Variants in RBPMS observed in about 807,000 individuals in gnomAD.
The protein encoded by RBPMS is RNA-binding protein with multiple splicing.
A neutral mutation model predicts 26.8 loss-of-function variants in RBPMS; 7 were observed. The ratio of observed to expected loss-of-function variants is 0.26; its 90% CI spans 0.15 to 0.49. The LOEUF is 0.49. Among genes scored for constraint, RBPMS ranks in the 20% least tolerant of loss-of-function variants. RBPMS has a pLI of 0.98. For missense variants in RBPMS, 186 were observed against 250.0 expected (o/e 0.74, Z 1.73); for synonymous variants, 96 against 93.3 (o/e 1.03, Z -0.17).
chr8:30,499,298 C>T (rs1230314371), intron 4 of RBPMS, among the ~76,000 whole-genome samples: 2 of 152,100 alleles, frequency 1.3e-5, no homozygotes, highest in Non-Finnish European at 2.9e-5. Context: ...AATGAGATTA[C>T]TAAAGCACCA....
chr8:30,422,819 C>A (rs1810949481), intron 1 of RBPMS, among the ~76,000 whole-genome samples: 2 of 152,160 alleles, frequency 1.3e-5, no homozygotes, highest in Admixed American at 1.3e-4. Context: ...ACTTTTAAAA[C>A]AAAATATCCC....
chr8:30,421,277 A>C (rs2150622977), intron 1 of RBPMS, among the ~76,000 whole-genome samples: 1 of 152,286 alleles, frequency 6.6e-6, no homozygotes, highest in Non-Finnish European at 1.5e-5. Context: ...ATGTTTAATC[A>C]CATACTCACC....
At chr8:30,416,294 C>T (rs1173226643) in intron 1 of RBPMS, among the ~76,000 whole-genome samples, 2 of 152,108 alleles carry the variant, frequency 1.3e-5, no homozygotes, top group African/African-American at 4.8e-5. Context: ...ATCCTACCCT[C>T]TTGGTGATTT....
At chr8:30,511,486 A>AAAAAAAAATATAT (rs1821657057) in intron 5 of RBPMS, among the ~76,000 whole-genome samples, 1 of 23,572 alleles carries the variant, frequency 4.2e-5, no homozygotes, top group African/African-American at 1.6e-4. Flanking sequence ...AAAAAAAAAA[A>AAAAAAAAATATAT]ATATATATAT....
chr8:30,546,159 A>G (rs1257179951), intron 6 of RBPMS, among the ~76,000 whole-genome samples: 1 of 151,906 alleles, frequency 6.6e-6, no homozygotes, highest in Non-Finnish European at 1.5e-5. Context: ...TTTGCTTGCC[A>G]CCTCCCACCC....
At chr8:30,496,840 G>A (rs899704768) in intron 4 of RBPMS, among the ~76,000 whole-genome samples, 1 of 152,144 alleles carries the variant, frequency 6.6e-6, no homozygotes, top group African/African-American at 2.4e-5. Flanking sequence ...CCAGATGCGG[G>A]TTTATCTGTG....
chr8:30,549,702 TTTCCCAGGCCC>T (rs1826141542), intron 6 of RBPMS: 2 of 701,728 alleles, frequency 2.9e-6, no homozygotes, highest in Non-Finnish European at 5.1e-6. Flanking sequence ...TCTCCTTTCC[TTTCCCAGGCCC>T]TTCCTGGAGG....
intron 1 of RBPMS, among the ~76,000 whole-genome samples, chr8:30,442,202 G>A (rs532678525): frequency 3.3e-5 from 5 of 152,174 alleles, no homozygotes; most frequent in Non-Finnish European, 7.3e-5. Flanking sequence ...TGGCTACTGA[G>A]TAACAATTCT....
At chr8:30,521,135 A>G (rs1021146254) in intron 5 of RBPMS, among the ~76,000 whole-genome samples, 1 of 152,232 alleles carries the variant, frequency 6.6e-6, no homozygotes, top group African/African-American at 2.4e-5. Flanking sequence ...GATTAGTTCA[A>G]AATGTTAGCT....
intron 5 of RBPMS, among the ~76,000 whole-genome samples, chr8:30,529,506 A>T (rs1563415190): frequency 2.0e-5 from 3 of 151,864 alleles, no homozygotes; most frequent in African/African-American, 7.3e-5. Flanking sequence ...CCACCTAAAA[A>T]AAAAGAAAAG....
chr8:30,420,517 C>G (rs1387432173), intron 1 of RBPMS, among the ~76,000 whole-genome samples: 4 of 152,148 alleles, frequency 2.6e-5, no homozygotes, highest in Admixed American at 2.6e-4. Flanking sequence ...CCAAATGAAA[C>G]TGAAGTCCAC....
intron 4 of RBPMS, among the ~76,000 whole-genome samples, chr8:30,501,121 CCTA>C (rs1160076545): frequency 6.6e-6 from 1 of 152,054 alleles, no homozygotes; most frequent in East Asian, 1.9e-4. Context: ...GGGTCACAGA[CCTA>C]CTACATAAAG....
chr8:30,501,074 C>G (rs1449476283), intron 4 of RBPMS, among the ~76,000 whole-genome samples: 2 of 152,150 alleles, frequency 1.3e-5, no homozygotes, highest in East Asian at 1.9e-4. Flanking sequence ...ACCAGAAACT[C>G]TAGCAAATCC....
chr8:30,528,739 C>G (rs768282334), intron 5 of RBPMS, among the ~76,000 whole-genome samples: 1 of 152,148 alleles, frequency 6.6e-6, no homozygotes, highest in African/African-American at 2.4e-5. Context: ...TGCCCATGGT[C>G]ACATTTGGTA....
At chr8:30,411,214 T>G (rs1809353918) in intron 1 of RBPMS, among the ~76,000 whole-genome samples, 1 of 152,204 alleles carries the variant, frequency 6.6e-6, no homozygotes, top group South Asian at 2.1e-4. Flanking sequence ...CACTTCCTCC[T>G]GTATGTGTCT....
Position 30,549,603 on chromosome 8 carries a change from C to T in RBPMS, c.528+4979C>T, listed in dbSNP as rs373774575. ...CCTGTTTGGTGAGGCTTTCTAGGAG[C>T]ACCTGGCTTAGCTCTCACAGGAGGA... On this transcript the variant is annotated intron_variant, in intron 6 of 8. Transcript: ENST00000397323. 3.1e-6 allele frequency: 5 copies of T among 1,596,788 alleles called. No homozygotes were observed. The African/African-American group carries it at 4.0e-5, about 13-fold the overall frequency.
chr8:30,544,416 G>A (rs777024036), intron 5 of RBPMS, 78 bp from the exon 6 acceptor site: 5 of 1,392,860 alleles, frequency 3.6e-6, no homozygotes, highest in Non-Finnish European at 5.1e-6. Context: ...GGGGCTCGGG[G>A]TTGTTGGGTG....
At position 30,514,938 on chromosome 8, in the gene RBPMS, G is replaced by A. The variant is rs563722407; in HGVS notation, c.397+10502G>A. Reference sequence around the variant, plus strand: ...CCAATGTATTATATTCCAAAATCATGCATGGGTAAAGGTCTGTATGAAATG... The same window carrying A: ...CCAATGTATTATATTCCAAAATCATACATGGGTAAAGGTCTGTATGAAATG... On this transcript the variant is annotated intron_variant, in intron 5 of 8. Transcript: ENST00000397323. Among the ~76,000 whole-genome samples the A allele has an allele frequency of 4.6e-5, 7 of 152,162 alleles. No homozygotes were observed. The East Asian group carries it at 1.2e-3, about 25-fold the overall frequency.
chr8:30,548,885 CTG>C (rs1378782737), intron 6 of RBPMS, among the ~76,000 whole-genome samples: 1 of 152,224 alleles, frequency 6.6e-6, no homozygotes, highest in Non-Finnish European at 1.5e-5. Flanking sequence ...TAGGAAATAA[CTG>C]AGAAAAAAGA....
Sources: gnomAD v4.1 joint callset for allele counts (sites outside exome capture counted in the v4.1 genomes callset) on GRCh38, gnomAD v4.1.1 for gene constraint, MANE v1.5 for transcripts, NCBI Gene and HGNC (gene_info 2026-07-23, HGNC 2026-07-21) for gene names.